The following ZNF665 variants were observed in gnomAD, a reference collection of about 807,000 sequenced individuals.
The protein encoded by ZNF665 is zinc finger protein 665.
Under a neutral mutation model 7.9 loss-of-function variants are expected in ZNF665, and 6 were observed. That is an observed-to-expected ratio of 0.76 (90% CI 0.42 to 1.50). The LOEUF (loss-of-function observed/expected upper bound fraction) is 1.50. Among genes scored for constraint, ZNF665 ranks in the 40% most tolerant of loss-of-function variants. ZNF665 has a pLI of 0.01. For synonymous variants in ZNF665, 242 were observed against 274.5 expected (o/e 0.88, Z 1.17); for missense variants, 819 against 806.7 (o/e 1.02, Z -0.18).
chr19:53,172,887 A>T (rs1381752769), intron 3 of ZNF665, among the ~76,000 whole-genome samples: 1 of 151,712 alleles, frequency 6.6e-6, no homozygotes, highest in Non-Finnish European at 1.5e-5. Context: ...CCATTTTTTA[A>T]ATTGGTTTGT....
intron 3 of ZNF665, among the ~76,000 whole-genome samples, chr19:53,167,551 A>T (rs1338669202): frequency 1.3e-5 from 2 of 149,548 alleles, no homozygotes; most frequent in East Asian, 4.2e-4. Flanking sequence ...GGTTCCCGCC[A>T]TTCTCCTGCC....
intron 2 of ZNF665, among the ~76,000 whole-genome samples, chr19:53,177,646 A>G (rs752390890): frequency 2.6e-5 from 4 of 152,218 alleles, no homozygotes; most frequent in Non-Finnish European, 5.9e-5. Context: ...AATATTCAGC[A>G]TCTAGATGAC....
chr19:53,165,368 G>T lies in ZNF665; in HGVS notation c.1122C>A (p.Tyr374Ter), dbSNP rs776583311. Residue 374 changes from tyrosine (Y) to a stop codon, truncating the protein, a stop_gained, in exon 4 of 4, where the codon TAC (tyrosine) becomes TAA (stop). Transcript: ENST00000396424. LOFTEE classifies it low-confidence loss of function (END_TRUNC). ...AGGCTTTCCCACACTCATTACACTTGTAAGGTTTCTCACCAGTATGAATTC... is the reference window on the plus strand; with the variant it reads ...AGGCTTTCCCACACTCATTACACTTTTAAGGTTTCTCACCAGTATGAATTC... ...HRRIHTGEKP[Y>*]KCNECGKAFS... The T allele has an allele frequency of 1.1e-5, 17 of 1,614,014 alleles. No individual in the cohort carries two copies. In the South Asian group the frequency reaches 1.9e-4, roughly 18 times the overall value.
Position 53,175,510 on chromosome 19 carries a change from T to C in ZNF665, c.77A>G (p.Asp26Gly). Residue 26 changes from aspartate (D) to glycine (G), a missense_variant, in exon 3 of 4, where the codon GAC (aspartate) becomes GGC (glycine). Transcript: ENST00000396424. ...CCTGTACAAAGTCTTCTGAGCAGGG[T>C]CCAGGCATGTCCACTCCTCCTGAGA... is the stretch of plus-strand genomic sequence containing the variant. ...EFSQEEWTCL[D>G]PAQKTLYRDV... 1 of 1,612,556 alleles carries C rather than the reference T, an allele frequency of 6.2e-7. No homozygotes were observed. The highest frequency in any genetic ancestry group is 1.1e-5 in the South Asian group (1 of 90,904).
At chr19:53,173,297 CTTGTT>C (rs2090671906) in intron 3 of ZNF665, among the ~76,000 whole-genome samples, 1 of 150,698 alleles carries the variant, frequency 6.6e-6, no homozygotes, top group Admixed American at 6.6e-5. Context: ...AAAAACTGTC[CTTGTT>C]TTAATTGTGT....
Position 53,170,260 on chromosome 19 carries a change from A to T in ZNF665, c.143-3913T>A, listed in dbSNP as rs112703064. 3.9e-4 allele frequency among the ~76,000 whole-genome samples: 59 copies of T among 152,176 alleles called. 1 individual carries two copies. Among genetic ancestry groups the T allele is most frequent in the East Asian group, 1.7e-3 (9 of 5,188 alleles). ...GTGAGGAATGGAATATAACTTTTTT[A>T]AAAAAAACTTTTATTGTATAATGGC... On this transcript the variant is annotated intron_variant, in intron 3 of 3. Transcript: ENST00000396424.
In ZNF665 at chr19:53,175,522, C is replaced by T. The variant is rs1233065355; in HGVS notation, c.65G>A (p.Trp22Ter). ...DVAIEFSQEE[W>*]TCLDPAQKTL... is the part of the protein sequence containing the mutation. ...CTTCTGAGCAGGGTCCAGGCATGTC[C>T]ACTCCTCCTGAGAGAATTCTATGGC... The change falls in exon 3 of 4, where the codon TGG (tryptophan) becomes TAG (stop). Residue 22 changes from tryptophan (W) to a stop codon, truncating the protein, a stop_gained. Coordinates refer to ENST00000396424, the MANE Select transcript of ZNF665 (RefSeq NM_024733.5). LOFTEE classifies it high-confidence loss of function. The T allele has an allele frequency of 1.2e-6, 2 of 1,611,770 alleles. No homozygotes were observed. Among genetic ancestry groups the T allele is most frequent in the African/African-American group, 1.3e-5 (1 of 74,852 alleles).
At chr19:53,171,252 C>T (rs1177518956) in intron 3 of ZNF665, among the ~76,000 whole-genome samples, 4 of 151,978 alleles carry the variant, frequency 2.6e-5, no homozygotes, top group Non-Finnish European at 5.9e-5. Context: ...TCCCAAAATG[C>T]TGGGATTACA....
intron 3 of ZNF665, among the ~76,000 whole-genome samples, chr19:53,167,548 G>A (rs1416577915): frequency 1.3e-5 from 2 of 150,266 alleles, no homozygotes; most frequent in Non-Finnish European, 3.0e-5. Context: ...CCGGGTTCCC[G>A]CCATTCTCCT....
rs187916707 is a variant in ZNF665 at position 53,177,709 on chromosome 19, G to A, written c.16-2138C>T. On this transcript the variant is annotated intron_variant, in intron 2 of 3. Transcript: ENST00000396424. ...TGATAATATCCACAGTGGCTTTGAA[G>A]AAAAAACAAGTCAGAGCCTTAAAAC... Among the ~76,000 whole-genome samples the A allele has an allele frequency of 1.2e-4, 19 of 152,232 alleles. 1 individual carries two copies. The highest frequency in any genetic ancestry group is 1.2e-3 in the Admixed American group (18 of 15,288).
At chr19:53,174,381 A>AT (rs1333140841) in intron 3 of ZNF665, among the ~76,000 whole-genome samples, 6 of 152,166 alleles carry the variant, frequency 3.9e-5, no homozygotes, top group Non-Finnish European at 8.8e-5. Context: ...AGAACAGGGT[A>AT]TTAAGTGGTA....
chr19:53,175,312 T>C (rs2090688393), intron 3 of ZNF665, 133 bp downstream of exon 3: 10 of 1,141,360 alleles, frequency 8.8e-6, no homozygotes, highest in Non-Finnish European at 8.7e-6. Flanking sequence ...CCTGCATGAT[T>C]AGGCTTTTCA....
At chr19:53,173,912 C>T (rs946203521) in intron 3 of ZNF665, among the ~76,000 whole-genome samples, 2 of 152,142 alleles carry the variant, frequency 1.3e-5, no homozygotes. Flanking sequence ...ATTTGGCTAA[C>T]CATCTCAGAA....
intron 1 of ZNF665, among the ~76,000 whole-genome samples, chr19:53,191,356 C>A (rs545219447): frequency 2.0e-4 from 31 of 152,288 alleles, no homozygotes; most frequent in African/African-American, 7.2e-4. Context: ...CACATTACCC[C>A]ATCCTAGGAA....
At chr19:53,168,892 A>G (rs1222950235) in intron 3 of ZNF665, among the ~76,000 whole-genome samples, 1 of 152,184 alleles carries the variant, frequency 6.6e-6, no homozygotes, top group African/African-American at 2.4e-5. Flanking sequence ...AGATCTTCAT[A>G]TGCAAAAAAA....
At chr19:53,183,272 A>T (rs1028745470) in intron 1 of ZNF665, among the ~76,000 whole-genome samples, 2 of 152,136 alleles carry the variant, frequency 1.3e-5, no homozygotes, top group African/African-American at 4.8e-5. Flanking sequence ...ACCAAACCCC[A>T]TGCTGAGCAC....
At chr19:53,190,423 G>C (rs2090808439) in intron 1 of ZNF665, 1 of 152,312 alleles carries the variant, frequency 6.6e-6, no homozygotes, top group East Asian at 1.9e-4. Context: ...TTCCCACAAT[G>C]ACCAGTTCTG....
chr19:53,191,160 G>T (rs1006379193), intron 1 of ZNF665, among the ~76,000 whole-genome samples: 1 of 152,206 alleles, frequency 6.6e-6, no homozygotes, highest in Non-Finnish European at 1.5e-5. Flanking sequence ...GACAGTGTCC[G>T]AATTGAATTA....
At chr19:53,184,664 C>T (rs765976503) in intron 1 of ZNF665, among the ~76,000 whole-genome samples, 16 of 152,132 alleles carry the variant, frequency 1.1e-4, no homozygotes, top group East Asian at 1.9e-4. Flanking sequence ...GTTTTCTCCT[C>T]GTGTGTGGAG....
Sources: gnomAD v4.1 joint callset for allele counts (sites outside exome capture counted in the v4.1 genomes callset) on GRCh38, gnomAD v4.1.1 for gene constraint, MANE v1.5 for transcripts, NCBI Gene and HGNC (gene_info 2026-07-23, HGNC 2026-07-21) for gene names.